Variants in ZNF385D observed in about 807,000 individuals in gnomAD.
ZNF385D encodes zinc finger protein 385D.
A neutral mutation model predicts 35.8 loss-of-function variants in ZNF385D; 15 were observed. The ratio of observed to expected loss-of-function variants is 0.42; its 90% CI spans 0.28 to 0.64. The LOEUF is 0.64. Among genes scored for constraint, ZNF385D ranks in the 30% least tolerant of loss-of-function variants. The pLI is 0.23. For missense variants in ZNF385D, 474 were observed against 494.6 expected, an observed-to-expected ratio of 0.96 and a Z score of 0.39; for synonymous variants, 212 against 186.8, an observed-to-expected ratio of 1.13 and a Z score of -1.10.
intron 3 of ZNF385D, among the ~76,000 whole-genome samples, chr3:22,007,361 G>A (rs1696275570): frequency 6.6e-6 from 1 of 152,152 alleles, no homozygotes; most frequent in Non-Finnish European, 1.5e-5. Context: ...TCTTGCGTAA[G>A]TCTACCATAC....
In ZNF385D at chr3:21,539,667, C is replaced by T. The variant is rs1379227345; in HGVS notation, c.276+24907G>A. Among the ~76,000 whole-genome samples the T allele has an allele frequency of 6.6e-6, 1 of 151,896 alleles. No homozygotes were observed. Among genetic ancestry groups the T allele is most frequent in the Non-Finnish European group, 1.5e-5 (1 of 67,944 alleles). ...AGAAAAATAGTTTCTTTATGGAATA[C>T]ACAAAGAATATATTAAATGTTTTTA... On this transcript the variant is annotated intron_variant, in intron 3 of 7. Transcript: ENST00000281523. This position sits in a 1 kb window ranked among gnomAD's most constrained non-coding sequence, Gnocchi z 4.0.
intron 4 of ZNF385D, among the ~76,000 whole-genome samples, chr3:21,480,350 G>T (rs557662201): frequency 6.6e-6 from 1 of 152,046 alleles, no homozygotes; most frequent in Non-Finnish European, 1.5e-5. Flanking sequence ...TTATCCATTC[G>T]CTTCAGCCTC....
intron 2 of ZNF385D, among the ~76,000 whole-genome samples, chr3:21,603,519 T>C (rs2064381707): frequency 6.6e-6 from 1 of 152,344 alleles, no homozygotes; most frequent in African/African-American, 2.4e-5. Flanking sequence ...ATCTGTACAG[T>C]TTATATTTTA....
At chr3:21,936,325 C>A (rs913811139) in intron 3 of ZNF385D, among the ~76,000 whole-genome samples, 1 of 151,640 alleles carries the variant, frequency 6.6e-6, no homozygotes, top group East Asian at 1.9e-4. Flanking sequence ...ATCATCTTAG[C>A]GTATTGAGGC....
At chr3:22,279,243 T>G (rs2125376097) in intron 2 of ZNF385D, among the ~76,000 whole-genome samples, 1 of 151,978 alleles carries the variant, frequency 6.6e-6, no homozygotes, top group African/African-American at 2.4e-5. Flanking sequence ...TGTGTAGTCT[T>G]TTATCCCTCA....
chr3:21,908,300 C>G (rs1009222821), intron 3 of ZNF385D, among the ~76,000 whole-genome samples: 2 of 151,794 alleles, frequency 1.3e-5, no homozygotes, highest in African/African-American at 4.8e-5. Context: ...TTCCAGGATG[C>G]AAAGCTGCAT....
At chr3:21,710,704 T>C (rs2068069257) in intron 1 of ZNF385D, among the ~76,000 whole-genome samples, 1 of 152,230 alleles carries the variant, frequency 6.6e-6, no homozygotes, top group South Asian at 2.1e-4. Flanking sequence ...CTTTTAGTGT[T>C]GGAAGCAATA....
intron 3 of ZNF385D, among the ~76,000 whole-genome samples, chr3:21,762,866 T>C (rs1187031744): frequency 6.6e-6 from 1 of 152,116 alleles, no homozygotes; most frequent in Non-Finnish European, 1.5e-5. Context: ...AGCTGGATCA[T>C]TCAAACTCTA....
At position 21,678,514 on chromosome 3, in the gene ZNF385D, C is replaced by T. The variant is rs80194510; in HGVS notation, c.23-13486G>A. Among the ~76,000 whole-genome samples, 984 of 152,106 alleles carry T rather than the reference C, an allele frequency of 6.5e-3. 7 individuals carry two copies. The highest frequency in any genetic ancestry group is 0.023 in the African/African-American group (950 of 41,510). ...GTAAACCCAAACGTTTTGTAGAAAA[C>T]GCAACAACAAATAACCCTAAAAGGA... On this transcript the variant is annotated intron_variant, in intron 1 of 7. Transcript: ENST00000281523.
chr3:21,784,362 T>C (rs1195378394), intron 3 of ZNF385D, among the ~76,000 whole-genome samples: 1 of 152,182 alleles, frequency 6.6e-6, no homozygotes, highest in African/African-American at 2.4e-5. Flanking sequence ...ACTTTAACCA[T>C]CTTTTTTTTG....
intron 2 of ZNF385D, among the ~76,000 whole-genome samples, chr3:22,206,603 T>C (rs1022830691): frequency 1.3e-5 from 2 of 151,596 alleles, no homozygotes; most frequent in African/African-American, 4.8e-5. Flanking sequence ...TGAATAAAAC[T>C]AGAAATCAAT....
intron 3 of ZNF385D, among the ~76,000 whole-genome samples, chr3:21,821,255 G>T (rs942048448): frequency 6.6e-6 from 1 of 151,904 alleles, no homozygotes; most frequent in Non-Finnish European, 1.5e-5. Context: ...ACCAAGCGTT[G>T]AGCACACTAA....
At chr3:22,029,785 G>T (rs1697812853) in intron 3 of ZNF385D, among the ~76,000 whole-genome samples, 1 of 152,042 alleles carries the variant, frequency 6.6e-6, no homozygotes, top group African/African-American at 2.4e-5. Context: ...ATTATGTTAG[G>T]CGTAATTATG....
At chr3:21,585,694 A>G (rs1359899356) in intron 2 of ZNF385D, among the ~76,000 whole-genome samples, 1 of 152,138 alleles carries the variant, frequency 6.6e-6, no homozygotes, top group Admixed American at 6.5e-5. Context: ...ACTACTCCAA[A>G]ACATTCCACA....
chr3:21,900,468 CAAAAAG>C (rs1235949615), intron 3 of ZNF385D, among the ~76,000 whole-genome samples: 2 of 151,742 alleles, frequency 1.3e-5, no homozygotes, highest in Non-Finnish European at 2.9e-5. Context: ...ATTACTATAA[CAAAAAG>C]AAAAACAAAG....
intron 3 of ZNF385D, among the ~76,000 whole-genome samples, chr3:22,016,957 AACACACACAC>A (rs558898355): frequency 3.0e-5 from 4 of 131,196 alleles, no homozygotes; most frequent in Non-Finnish European, 6.6e-5. Context: ...CACACACACA[AACACACACAC>A]ACACTTTCTC....
chr3:21,757,858 C>CATGCTAT (rs1336038233), intron 3 of ZNF385D, among the ~76,000 whole-genome samples: 1 of 152,192 alleles, frequency 6.6e-6, no homozygotes, highest in East Asian at 1.9e-4. Context: ...ATATCATGTT[C>CATGCTAT]ATGCTATAAC....
chr3:22,348,129 A>G (rs535249311), intron 2 of ZNF385D, among the ~76,000 whole-genome samples: 1 of 152,260 alleles, frequency 6.6e-6, no homozygotes, highest in Admixed American at 6.5e-5. Context: ...ATAGGAGAAA[A>G]CAGGCAAATA....
chr3:21,529,877 A>T (rs1027961310), intron 3 of ZNF385D, among the ~76,000 whole-genome samples: 1 of 152,158 alleles, frequency 6.6e-6, no homozygotes, highest in Non-Finnish European at 1.5e-5. Context: ...TTGAAAAATT[A>T]TTGCAGAAAA....
Sources: allele counts gnomAD v4.1 joint callset (sites outside exome capture counted in the v4.1 genomes callset), GRCh38; gene constraint gnomAD v4.1.1; non-coding constraint Gnocchi (gnomAD v3.1); transcripts MANE v1.5; gene names NCBI Gene and HGNC (gene_info 2026-07-23, HGNC 2026-07-21).